The following FBN2 variants were observed in gnomAD, a reference collection of about 807,000 sequenced individuals.
FBN2 encodes the protein fibrillin-2.
In FBN2, 105 loss-of-function variants were observed where a neutral mutation model predicts 355.6. The ratio of observed to expected loss-of-function variants is 0.30; its 90% confidence interval spans 0.25 to 0.35. FBN2 has a LOEUF of 0.35. Among genes scored for constraint, FBN2 ranks in the 10% least tolerant of loss-of-function variants. The probability of loss-of-function intolerance (pLI) is 1.00; values close to 1 mark genes in which losing one functional copy is unlikely to be tolerated. For missense variants in FBN2, 3,280 were observed against 3,758.7 expected (o/e 0.87, Z 3.33); for synonymous variants, 1,350 against 1,301.2 (o/e 1.04, Z -0.81).
chr5:128,390,308 T>C (rs756944215), intron 11 of FBN2, among the ~76,000 whole-genome samples: 4 of 152,184 alleles, frequency 2.6e-5, no homozygotes, highest in Non-Finnish European at 4.4e-5. Flanking sequence ...TGGGAGACCA[T>C]TGAGATCCTT....
At chr5:128,309,459 C>G in intron 40 of FBN2, 60 bp from the exon 41 acceptor site, 1 of 1,436,472 alleles carries the variant, frequency 7.0e-7, no homozygotes, top group Non-Finnish European at 9.8e-7. Context: ...TATAATGAAG[C>G]CCACACAGCT....
chr5:128,537,658 C>G lies in FBN2; in HGVS notation c.-55G>C. On this transcript the variant is annotated 5_prime_UTR_variant, in exon 1 of 65. Transcript: ENST00000262464. ...CCCGCGGAGAGGGAGTGATCAAAGA[C>G]AAAATCTGCGCGCCTCAGAAAAGAG... 3.2e-6 allele frequency: 5 copies of G among 1,552,256 alleles called. No individual in the cohort carries two copies. The highest frequency in any genetic ancestry group is 4.4e-6 in the Non-Finnish European group (5 of 1,137,570).
Position 128,301,520 on chromosome 5 carries a change from A to G in FBN2, c.5918-10T>C, listed in dbSNP as rs547697385. The G allele has an allele frequency of 5.1e-5, 82 of 1,612,540 alleles. No individual in the cohort carries two copies. The South Asian group carries it at 8.8e-4, about 17-fold the overall frequency. On this transcript the variant is annotated splice_polypyrimidine_tract_variant and intron_variant, in intron 46 of 64. Transcript: ENST00000262464. ...CTGCACTCATCTATGTCTGTAAGCA[A>G]ACAGGAGTATGTTTTTCAGAAAGAG...
chr5:128,393,813 A>G (rs781197780), intron 9 of FBN2, among the ~76,000 whole-genome samples: 1 of 152,176 alleles, frequency 6.6e-6, no homozygotes, highest in Non-Finnish European at 1.5e-5. Flanking sequence ...AGGTATTAAT[A>G]TTGCTCCAGA....
chr5:128,335,487 T>C lies in FBN2; in HGVS notation c.3815A>G (p.Tyr1272Cys). The C allele has an allele frequency of 6.2e-7, 1 of 1,614,244 alleles. No homozygotes were observed. The highest frequency in any genetic ancestry group is 8.5e-7 in the Non-Finnish European group (1 of 1,180,030). The change falls in exon 29 of 65, where the codon TAT (tyrosine) becomes TGT (cysteine). Residue 1272 changes from tyrosine (Y) to cysteine (C), a missense_variant. Around this residue, in one of 6 missense-constraint regions of FBN2, gnomAD observed 2,284 missense variants for 2,749.5 expected, o/e 0.83. Transcript: ENST00000262464. The part of the protein sequence containing the change: ...GSYECSCSEG[Y>C]ALMPDGRSCA... The stretch of plus-strand genomic sequence containing the variant: ...CGATCTCCCATCTGGCATCAGGGCA[T>C]AACCCTCACTGCAGCTGCATTCGTA...
chr5:128,327,571 T>C (rs1750586341), intron 34 of FBN2, among the ~76,000 whole-genome samples: 1 of 101,896 alleles, frequency 9.8e-6, no homozygotes, highest in Non-Finnish European at 2.2e-5. Flanking sequence ...AGCAGTTAGG[T>C]ATTTTTTTTT....
chr5:128,310,398 ATATATTTTT>A (rs1156970693), intron 39 of FBN2, among the ~76,000 whole-genome samples: 33 of 11,196 alleles, frequency 2.9e-3, no homozygotes, highest in Admixed American at 0.022. Context: ...ATATATATAT[ATATATTTTT>A]TTTTTTTTTT....
chr5:128,284,402 T>C (rs531715120), intron 55 of FBN2, among the ~76,000 whole-genome samples: 1 of 152,192 alleles, frequency 6.6e-6, no homozygotes, highest in Non-Finnish European at 1.5e-5. Flanking sequence ...CGTAACACTT[T>C]TAGCATAAAA....
chr5:128,536,463 T>C lies in FBN2; in HGVS notation c.276A>G (p.Arg92=), dbSNP rs1300905134. The C allele has an allele frequency of 6.2e-7, 1 of 1,613,970 alleles. No individual in the cohort carries two copies. Among genetic ancestry groups the C allele is most frequent in the East Asian group, 2.2e-5 (1 of 44,870 alleles). Residue 92 remains arginine (R), a synonymous_variant, in exon 2 of 65, where the codon AGA becomes AGG. Transcript: ENST00000262464. ...VLRGPNVCGS[R]FHSYCCPGWK... ...ATCCAGGGCAGCAGTAGGAGTGGAA[T>C]CTGGAGCCGCACACGTTGGGCCTGT... is the stretch of plus-strand genomic sequence containing the variant.
intron 5 of FBN2, among the ~76,000 whole-genome samples, chr5:128,490,150 ATTC>A (rs1755462268): frequency 6.6e-6 from 1 of 152,224 alleles, no homozygotes; most frequent in Admixed American, 6.5e-5. Context: ...AGCATGTATT[ATTC>A]TTATAATCAG....
chr5:128,379,970 C>T lies in FBN2; in HGVS notation c.1604-1080G>A, dbSNP rs552220563. ...AGATGTTCTTAAAAGAGGAACTGTA[C>T]TGTATCAAACCCACCAACTTCATTT... On this transcript the variant is annotated intron_variant, in intron 11 of 64. Coordinates refer to ENST00000262464, the MANE Select transcript of FBN2 (RefSeq NM_001999.4). Among the ~76,000 whole-genome samples the T allele has an allele frequency of 4.6e-5, 7 of 152,166 alleles. No homozygotes were observed. The East Asian group carries it at 1.4e-3, about 29-fold the overall frequency.
chr5:128,487,995 A>C (rs1168962951), intron 5 of FBN2, among the ~76,000 whole-genome samples: 22 of 152,168 alleles, frequency 1.4e-4, no homozygotes, highest in Admixed American at 1.4e-3. Flanking sequence ...TTTAGCCAAC[A>C]CATAAAAAGT....
At chr5:128,337,201 CTATT>C (rs1470202471) in intron 27 of FBN2, among the ~76,000 whole-genome samples, 5 of 152,094 alleles carry the variant, frequency 3.3e-5, no homozygotes, top group African/African-American at 4.8e-5. Context: ...TTTAAAATAT[CTATT>C]TATCTATGAC....
chr5:128,285,850 T>C (rs1459674640), intron 55 of FBN2, among the ~76,000 whole-genome samples: 1 of 152,188 alleles, frequency 6.6e-6, no homozygotes, highest in African/African-American at 2.4e-5. Flanking sequence ...TTTCCATGCA[T>C]AAAAATTAAA....
chr5:128,289,217 A>G lies in FBN2; in HGVS notation c.6547T>C (p.Ser2183Pro), dbSNP rs755624822. ...TCGGTGTTGATACATTGACCATTTG[A>G]ACAAATGCCTGGGCTCTCAAGACAC... ...NECLESPGICSNGQCINTDGS... is the reference protein window; with the variant it reads ...NECLESPGICPNGQCINTDGS... Residue 2183 changes from serine (S) to proline (P), a missense_variant, in exon 52 of 65, where the codon TCA becomes CCA. Around this residue, in one of 6 missense-constraint regions of FBN2, gnomAD observed 2,284 missense variants for 2,749.5 expected, o/e 0.83. Coordinates refer to ENST00000262464, the MANE Select transcript of FBN2 (RefSeq NM_001999.4). 7 of 1,613,762 alleles carry G rather than the reference A, an allele frequency of 4.3e-6. No homozygotes were observed. In the South Asian group the frequency reaches 6.6e-5, roughly 15 times the overall value.
chr5:128,363,323 G>T (rs781735613), intron 18 of FBN2, among the ~76,000 whole-genome samples: 1 of 151,946 alleles, frequency 6.6e-6, no homozygotes, highest in Non-Finnish European at 1.5e-5. Context: ...CCTGGGTGCT[G>T]GGATTACAGG....
intron 11 of FBN2, among the ~76,000 whole-genome samples, chr5:128,385,508 G>A (rs1752344929): frequency 6.6e-6 from 1 of 152,136 alleles, no homozygotes; most frequent in Non-Finnish European, 1.5e-5. Flanking sequence ...GAACAGTGCT[G>A]TGATGAAAAT....
At chr5:128,317,330 A>C (rs10057405) in intron 36 of FBN2, among the ~76,000 whole-genome samples, 12,116 of 152,292 alleles carry the variant, frequency 0.08, 627 homozygotes, top group Non-Finnish European at 0.12. Context: ...GAAGGCACTC[A>C]AACTTTACCA....
In FBN2 at chr5:128,501,558, C is replaced by T. The variant is rs574472339; in HGVS notation, c.628+17715G>A. On this transcript the variant is annotated intron_variant, in intron 5 of 64. Coordinates refer to ENST00000262464, the MANE Select transcript of FBN2 (RefSeq NM_001999.4). Reference sequence around the variant, plus strand: ...CACAAAGCAGATTAAGAAAAGAATACTGCATTGTAGGAAAAAATAATGAGA... The same window carrying T: ...CACAAAGCAGATTAAGAAAAGAATATTGCATTGTAGGAAAAAATAATGAGA... Among the ~76,000 whole-genome samples the T allele has an allele frequency of 2.6e-5, 4 of 152,136 alleles. No individual in the cohort carries two copies. In the South Asian group the frequency reaches 8.3e-4, roughly 32 times the overall value.
Sources: gnomAD v4.1 joint callset for allele counts (sites outside exome capture counted in the v4.1 genomes callset) on GRCh38, gnomAD v4.1.1 for gene constraint, gnomAD v4.1.1 regional missense constraint, MANE v1.5 for transcripts, NCBI Gene and HGNC (gene_info 2026-07-23, HGNC 2026-07-21) for gene names.